ABCA12: variants seen among roughly 807,000 people sequenced by gnomAD.
ABCA12 encodes the protein ATP binding cassette subfamily A member 12, also known as glucosylceramide transporter ABCA12.
ABCA12 carries 156 observed loss-of-function variants against 293.5 expected under a neutral mutation model. That is an observed-to-expected ratio of 0.53 (90% CI 0.47 to 0.61). ABCA12 has a LOEUF of 0.61. Ranked by LOEUF, ABCA12 falls within the 20% of genes least tolerant of loss-of-function variation. The pLI is 0.00. For missense variants in ABCA12, 2,797 were observed against 3,090.2 expected (o/e 0.91, Z 2.25); for synonymous variants, 1,063 against 1,108.0 (o/e 0.96, Z 0.81).
At position 215,051,609 on chromosome 2, in the gene ABCA12, A is replaced by ATTGTGTGTGTGT. The variant is rs776781306; in HGVS notation, c.507+877_507+878insACACACACACAA. ...ATATAGATATATTATTAAAAACGCT[A>ATTGTGTGTGTGT]GTGTGTGTGTGTGTGTGTGTGTGTG... is the stretch of plus-strand genomic sequence containing the variant. On this transcript the variant is annotated intron_variant, in intron 5 of 52. Transcript: ENST00000272895. Among the ~76,000 whole-genome samples the ATTGTGTGTGTGT allele has an allele frequency of 5.8e-5, 7 of 121,434 alleles. No homozygotes were observed. In the East Asian group the frequency reaches 1.8e-3, roughly 31 times the overall value. 79.7% of individuals were successfully genotyped at this position (121,434 alleles called of 152,430 possible).
intron 42 of ABCA12, among the ~76,000 whole-genome samples, chr2:214,956,229 T>A (rs1250960832): frequency 6.6e-6 from 1 of 152,192 alleles, no homozygotes; most frequent in Non-Finnish European, 1.5e-5. Context: ...AGAAACAATA[T>A]TATGTGTGTG....
At chr2:215,043,617 T>A (rs1701145073) in intron 7 of ABCA12, among the ~76,000 whole-genome samples, 1 of 152,106 alleles carries the variant, frequency 6.6e-6, no homozygotes, top group African/African-American at 2.4e-5. Flanking sequence ...CAAATTTCAT[T>A]GAGGTATAAT....
At chr2:215,082,008 A>T (rs564830548) in intron 2 of ABCA12, among the ~76,000 whole-genome samples, 86 of 149,150 alleles carry the variant, frequency 5.8e-4, no homozygotes, top group African/African-American at 2.0e-3. Context: ...ACAAGTCCAT[A>T]TGCAGTTACA....
chr2:215,094,973 A>C (rs922493997), intron 2 of ABCA12, among the ~76,000 whole-genome samples: 1 of 152,148 alleles, frequency 6.6e-6, no homozygotes, highest in Admixed American at 6.5e-5. Context: ...CTACCTATCA[A>C]TGGGACAGGC....
intron 1 of ABCA12, among the ~76,000 whole-genome samples, chr2:215,117,058 T>C (rs963188903): frequency 1.3e-5 from 2 of 152,196 alleles, no homozygotes; most frequent in Non-Finnish European, 2.9e-5. Context: ...TTGTAGAAAA[T>C]GTACATTAAA....
chr2:214,978,487 A>G, intron 32 of ABCA12, 21 bp from the exon 33 acceptor site: 1 of 1,611,004 alleles, frequency 6.2e-7, no homozygotes, highest in Non-Finnish European at 8.5e-7. Flanking sequence ...AAGCCAGATC[A>G]CTTCATTAAC....
At chr2:215,053,305 G>C (rs1701356157) in intron 4 of ABCA12, among the ~76,000 whole-genome samples, 1 of 152,018 alleles carries the variant, frequency 6.6e-6, no homozygotes, top group Non-Finnish European at 1.5e-5. Flanking sequence ...GAAGTCTTTT[G>C]TCATCCTCAG....
At chr2:215,137,987 A>T (rs764317667) in intron 1 of ABCA12, among the ~76,000 whole-genome samples, 153 bp downstream of exon 1, 1 of 152,204 alleles carries the variant, frequency 6.6e-6, no homozygotes, top group Non-Finnish European at 1.5e-5. Context: ...ATTAGCTATA[A>T]GACAGATAGG....
intron 11 of ABCA12, 125 bp from the exon 12 acceptor site, chr2:215,019,921 G>T: frequency 8.5e-7 from 1 of 1,176,012 alleles, no homozygotes; most frequent in Non-Finnish European, 1.2e-6. Flanking sequence ...TATGTGGTTA[G>T]TTGGCATTTG....
intron 37 of ABCA12, among the ~76,000 whole-genome samples, chr2:214,969,340 G>A (rs538123217): frequency 1.5e-3 from 233 of 152,040 alleles, no homozygotes; most frequent in Middle Eastern, 3.4e-3. Context: ...GTATAAAAAC[G>A]AAAAGTTGAT....
At chr2:215,128,861 G>A (rs1215999478) in intron 1 of ABCA12, among the ~76,000 whole-genome samples, 11 of 152,146 alleles carry the variant, frequency 7.2e-5, no homozygotes, top group Non-Finnish European at 1.0e-4. Context: ...TTCTGGGGGT[G>A]TTGAAGAGCC....
At chr2:215,115,532 G>T (rs1207736856) in intron 1 of ABCA12, among the ~76,000 whole-genome samples, 1 of 152,092 alleles carries the variant, frequency 6.6e-6, no homozygotes, top group East Asian at 1.9e-4. Flanking sequence ...GTGTTTAAAG[G>T]TTTAGTATTT....
chr2:214,982,515 G>A (rs1401844779), intron 29 of ABCA12, 132 bp from the exon 30 acceptor site: 1 of 676,782 alleles, frequency 1.5e-6, no homozygotes, highest in African/African-American at 1.8e-5. Flanking sequence ...ATAAACTCTT[G>A]AGGATTCATA....
chr2:215,044,890 C>T (rs6749726), intron 7 of ABCA12, among the ~76,000 whole-genome samples: 21,877 of 151,988 alleles, frequency 0.14, 4,743 homozygotes, highest in African/African-American at 0.47. Context: ...TTCTGATGCT[C>T]TAGACATATA....
intron 2 of ABCA12, among the ~76,000 whole-genome samples, chr2:215,097,401 C>A (rs759980093): frequency 4.6e-5 from 7 of 151,980 alleles, no homozygotes; most frequent in Non-Finnish European, 8.8e-5. Context: ...TAATAGATTG[C>A]GGATTTTACA....
intron 2 of ABCA12, among the ~76,000 whole-genome samples, chr2:215,067,628 A>G (rs563390482): frequency 5.3e-5 from 8 of 152,242 alleles, no homozygotes; most frequent in Non-Finnish European, 1.0e-4. Flanking sequence ...ATCTGGGAGT[A>G]GGGTGAGGTA....
Position 214,982,004 on chromosome 2 carries a change from G to A in ABCA12, c.4579+183C>T, listed in dbSNP as rs372560219. ...TTATTATTTTATTATTATTGACAGCGTCTCACTATGTTACCCAGGCTGGTC... is the reference window on the plus strand; with the variant it reads ...TTATTATTTTATTATTATTGACAGCATCTCACTATGTTACCCAGGCTGGTC... On this transcript the variant is annotated intron_variant, in intron 30 of 52. Transcript: ENST00000272895. 7.6e-4 allele frequency among the ~76,000 whole-genome samples: 109 copies of A among 143,744 alleles called. 1 individual carries two copies. Among genetic ancestry groups the A allele is most frequent in the South Asian group, 2.4e-3 (11 of 4,494 alleles). 94.3% of individuals were successfully genotyped at this position (143,744 alleles called of 152,430 possible).
intron 51 of ABCA12, among the ~76,000 whole-genome samples, chr2:214,937,185 TTTTG>T (rs1293415144): frequency 2.6e-5 from 4 of 151,862 alleles, no homozygotes; most frequent in Non-Finnish European, 5.9e-5. Context: ...ATTGTTGGTT[TTTTG>T]TTTGTTTTTG....
intron 44 of ABCA12, among the ~76,000 whole-genome samples, chr2:214,951,894 G>A (rs1023407935): frequency 5.3e-5 from 8 of 151,908 alleles, no homozygotes; most frequent in East Asian, 3.9e-4. Context: ...ATATTGTACC[G>A]CAGATATATC....
Sources: allele counts gnomAD v4.1 joint callset (sites outside exome capture counted in the v4.1 genomes callset), GRCh38; gene constraint gnomAD v4.1.1; transcripts MANE v1.5; gene names NCBI Gene and HGNC (gene_info 2026-07-23, HGNC 2026-07-21).